Variants in MUC12 observed in about 807,000 individuals in gnomAD.
MUC12 encodes mucin 12, cell surface associated.
MUC12 carries 172 observed loss-of-function variants against 230.8 expected under a neutral mutation model. The ratio of observed to expected loss-of-function variants is 0.75; its 90% CI spans 0.66 to 0.85. The LOEUF (loss-of-function observed/expected upper bound fraction) is 0.85, where lower values mean the gene tolerates loss of function less well. MUC12 is among the 40% of genes least tolerant of loss of function. The probability of loss-of-function intolerance (pLI) is 0.00; values close to 1 mark genes in which losing one functional copy is unlikely to be tolerated. For missense variants in MUC12, 3,506 were observed against 5,920.6 expected (o/e 0.59, Z 13.38); for synonymous variants, 1,259 against 2,401.9 (o/e 0.52, Z 13.91).
intron 1 of MUC12, among the ~76,000 whole-genome samples, chr7:100,990,420 T>C (rs932332318): frequency 2.0e-5 from 3 of 152,032 alleles, no homozygotes; most frequent in Non-Finnish European, 1.5e-5. Flanking sequence ...GCCAAAAAGG[T>C]TGGGGACTGC....
chr7:100,971,821 G>A (rs1411109479), intron 1 of MUC12, among the ~76,000 whole-genome samples: 2 of 152,306 alleles, frequency 1.3e-5, no homozygotes, highest in African/African-American at 4.8e-5. Flanking sequence ...GAGGGTGATG[G>A]AGGTGATGAC....
At chr7:100,985,024 G>A (rs1206668908) in intron 1 of MUC12, among the ~76,000 whole-genome samples, 3 of 151,864 alleles carry the variant, frequency 2.0e-5, no homozygotes, top group Admixed American at 6.6e-5. Context: ...CCGCCACCAC[G>A]CCTGGCTAAT....
chr7:100,995,637 T>C lies in MUC12; in HGVS notation c.5074T>C (p.Trp1692Arg), dbSNP rs999569405. ...RQGESTTFQS[W>R]PSSKDTMPAP... The stretch of plus-strand genomic sequence containing the variant: ...GGGAGAATCTACCACCTTCCAGAGC[T>C]GGCCAAGCTCAAAGGACACTATGCC... The change falls in exon 2 of 12, where the codon TGG becomes CGG. Residue 1692 changes from tryptophan (W) to arginine (R), a missense_variant. Transcript: ENST00000536621. 1.5e-5 allele frequency: 23 copies of C among 1,537,086 alleles called. No homozygotes were observed. Among genetic ancestry groups the C allele is most frequent in the Non-Finnish European group, 1.7e-5 (20 of 1,147,056 alleles).
chr7:101,004,574 C>G lies in MUC12; in HGVS notation c.14011C>G (p.Pro4671Ala). Residue 4671 changes from proline (P) to alanine (A), a missense_variant, in exon 2 of 12, where the codon CCT becomes GCT. Pro to Ala is a conservative substitution (Grantham distance 27, BLOSUM62 -1). Transcript: ENST00000536621. The part of the protein sequence containing the change: ...SPGSIATTHF[P>A]ESSTTSGRSE... ...GGGCTCAATTGCAACAACACACTTT[C>G]CTGAGAGCTCCACAACCTCCGGCCG... 1 of 1,537,062 alleles carries G rather than the reference C, an allele frequency of 6.5e-7. No homozygotes were observed. The highest frequency in any genetic ancestry group is 2.0e-5 in the Admixed American group (1 of 50,948).
intron 1 of MUC12, among the ~76,000 whole-genome samples, chr7:100,970,590 T>C (rs73400780): frequency 0.011 from 1,731 of 150,568 alleles, 33 homozygotes; most frequent in African/African-American, 0.04. Flanking sequence ...AAAGAAAAAA[T>C]GGCTGCCAGT....
In MUC12 at chr7:100,995,661, C is replaced by G; in HGVS notation, c.5098C>G (p.Pro1700Ala). 1 of 1,537,208 alleles carries G rather than the reference C, an allele frequency of 6.5e-7. No individual in the cohort carries two copies. Among genetic ancestry groups the G allele is most frequent in the Non-Finnish European group, 8.7e-7 (1 of 1,147,066 alleles). ...CTGGCCAAGCTCAAAGGACACTATG[C>G]CTGCACCTCCTACTACCACATCAGC... ...QSWPSSKDTM[P>A]APPTTTSAFV... Residue 1700 changes from proline to alanine, a missense_variant, in exon 2 of 12, where the codon CCT becomes GCT. Pro to Ala is a conservative substitution (Grantham distance 27, BLOSUM62 -1). Transcript: ENST00000536621.
intron 5 of MUC12, 28 bp downstream of exon 5, chr7:101,009,187 GA>G (rs756252293): frequency 1.0e-5 from 16 of 1,530,932 alleles, no homozygotes; most frequent in Non-Finnish European, 1.4e-5. Context: ...CAGGTTTATA[GA>G]TGTGGGGAAA....
intron 1 of MUC12, among the ~76,000 whole-genome samples, chr7:100,974,837 T>C (rs1792992856): frequency 6.6e-6 from 1 of 152,210 alleles, no homozygotes; most frequent in East Asian, 1.9e-4. Context: ...ATAATAATAA[T>C]AATAATAAAT....
At chr7:101,006,346 T>C (rs867037046) in intron 2 of MUC12, 125 bp from the exon 3 acceptor site, 1 of 669,112 alleles carries the variant, frequency 1.5e-6, no homozygotes. Flanking sequence ...TCTTCATTGC[T>C]GTGCGGTCAT....
chr7:100,986,289 TAGA>T (rs1007503016), intron 1 of MUC12, among the ~76,000 whole-genome samples: 1 of 151,946 alleles, frequency 6.6e-6, no homozygotes, highest in African/African-American at 2.4e-5. Context: ...CGCTCCAGCC[TAGA>T]AGTTTGAGGC....
In MUC12 at chr7:101,008,987, A is replaced by G. The variant is rs1793800759; in HGVS notation, c.15187-108A>G. ...CTGGGTTGGTGGTTCCTCCTATGGG[A>G]GCTTACCTGGGCTCCACAGAAAGGT... On this transcript the variant is annotated intron_variant, in intron 4 of 11. Coordinates refer to ENST00000536621, the MANE Select transcript of MUC12 (RefSeq NM_001164462.2). The G allele has an allele frequency of 5.9e-6, 8 of 1,362,406 alleles. 1 individual carries two copies. In the South Asian group the frequency reaches 8.9e-5, roughly 15 times the overall value. The allele number at this position is 1,362,406 out of a possible 1,614,324, so 84.4% of individuals were successfully genotyped here.
Position 101,012,988 on chromosome 7 carries a change from A to T in MUC12, c.15484A>T (p.Thr5162Ser), listed in dbSNP as rs1288091563. 1 of 1,537,276 alleles carries T rather than the reference A, an allele frequency of 6.5e-7. No individual in the cohort carries two copies. Among genetic ancestry groups the T allele is most frequent in the East Asian group, 2.4e-5 (1 of 40,914 alleles). ...TPGFDFQEQC[T>S]QKAAEGYTQF... is the part of the protein sequence containing the mutation. ...CCGCCCCTCTCCCTCAGAGCAATGC[A>T]CCCAGAAGGCTGCCGAAGGATATAC... Residue 5162 changes from threonine (T) to serine (S), a missense_variant, in exon 8 of 12, where the codon ACC becomes TCC. By Grantham distance (58) the Thr-to-Ser change is moderately conservative (BLOSUM62 1). Coordinates refer to ENST00000536621, the MANE Select transcript of MUC12 (RefSeq NM_001164462.2).
At position 101,015,533 on chromosome 7, in the gene MUC12, C is replaced by T. The variant is rs949576917; in HGVS notation, c.15801-82C>T. On this transcript the variant is annotated intron_variant, in intron 9 of 11. Coordinates refer to ENST00000536621, the MANE Select transcript of MUC12 (RefSeq NM_001164462.2). ...CGGGGTGTGGCTGTGACTGTCCCCT[C>T]GAGGGAAGCTGAAGGTCAGGGTCCA... 462 of 1,227,206 alleles carry T rather than the reference C, an allele frequency of 3.8e-4. 7 individuals carry two copies. The South Asian group carries it at 4.4e-3, about 12-fold the overall frequency. The allele number at this position is 1,227,206 out of a possible 1,614,324, so 76.0% of individuals were successfully genotyped here.
chr7:101,011,042 G>A (rs1265247227), intron 5 of MUC12, among the ~76,000 whole-genome samples: 3 of 152,168 alleles, frequency 2.0e-5, no homozygotes, highest in Non-Finnish European at 4.4e-5. Flanking sequence ...TCAGGTCGGG[G>A]GTGAGGGAGG....
Position 100,992,373 on chromosome 7 carries a change from G to A in MUC12, c.1810G>A (p.Ala604Thr), listed in dbSNP as rs1793339880. 2.0e-6 allele frequency: 3 copies of A among 1,536,678 alleles called. No homozygotes were observed. The highest frequency in any genetic ancestry group is 1.4e-5 in the African/African-American group (1 of 73,154). Residue 604 changes from alanine to threonine, a missense_variant, in exon 2 of 12, where the codon GCA (alanine) becomes ACA (threonine). Transcript: ENST00000536621. Reference protein sequence around the residue: ...DNTTASGLLEASMPVHSSTRS... With the variant: ...DNTTASGLLETSMPVHSSTRS... ...CACCACAGCCTCAGGACTCCTTGAA[G>A]CATCTATGCCCGTCCACAGCAGCAC...
At position 101,013,925 on chromosome 7, in the gene MUC12, G is replaced by T; in HGVS notation, c.15651G>T (p.Thr5217=). ...RSGPRCLCPN[T]NTHWYWGETC... ...TCTGTGTCCCCAGGTGCCCAAATAC[G>T]AACACACACTGGTACTGGGGAGAGA... Residue 5217 remains threonine (T), a synonymous_variant, in exon 9 of 12, where the codon ACG becomes ACT. Transcript: ENST00000536621. 1 of 1,535,344 alleles carries T rather than the reference G, an allele frequency of 6.5e-7. No homozygotes were observed. The highest frequency in any genetic ancestry group is 8.7e-7 in the Non-Finnish European group (1 of 1,145,906).
chr7:101,015,552 G>A (rs1793902952), intron 9 of MUC12, 63 bp from the exon 10 acceptor site: 2 of 1,417,468 alleles, frequency 1.4e-6, no homozygotes, highest in African/African-American at 1.4e-5. Context: ...CTGAAGGTCA[G>A]GGTCCACCAA....
intron 10 of MUC12, chr7:101,017,117 AG>A (rs1349146073): frequency 6.5e-6 from 1 of 153,814 alleles, no homozygotes; most frequent in Non-Finnish European, 1.4e-5. Context: ...CCAGAGAGTG[AG>A]TGGTTCTGCG....
At chr7:101,014,973 C>A (rs1043186588) in intron 9 of MUC12, among the ~76,000 whole-genome samples, 6 of 151,938 alleles carry the variant, frequency 3.9e-5, no homozygotes, top group Non-Finnish European at 7.4e-5. Flanking sequence ...TATTACACAC[C>A]CACTTTTGAG....
Sources: gnomAD v4.1 joint callset for allele counts (sites outside exome capture counted in the v4.1 genomes callset) on GRCh38, gnomAD v4.1.1 for gene constraint, MANE v1.5 for transcripts, NCBI Gene and HGNC (gene_info 2026-07-23, HGNC 2026-07-21) for gene names.